Variants in RAB44 observed in about 807,000 individuals in gnomAD.
RAB44 encodes the protein RAB44, member RAS oncogene family.
A neutral mutation model predicts 93.3 loss-of-function variants in RAB44; 67 were observed. That is an observed-to-expected ratio of 0.72 (90% CI 0.59 to 0.88). RAB44 has a LOEUF of 0.88. Among genes scored for constraint, RAB44 ranks in the 40% least tolerant of loss-of-function variants. The pLI is 0.00. For missense variants in RAB44, 1,064 were observed against 1,261.7 expected (o/e 0.84, Z 2.37); for synonymous variants, 427 against 520.3 (o/e 0.82, Z 2.44).
At chr6:36,711,898 A>G (rs6457945) in intron 2 of RAB44, among the ~76,000 whole-genome samples, 31,708 of 148,920 alleles carry the variant, frequency 0.21, 6,219 homozygotes, top group African/African-American at 0.53. Context: ...GTAAGACTCC[A>G]TCTCAAAAAA....
chr6:36,717,672 C>G lies in RAB44; in HGVS notation c.641+253C>G, dbSNP rs570851934. On this transcript the variant is annotated intron_variant, in intron 5 of 13. Transcript: ENST00000612677. This position sits in a 1 kb window ranked among gnomAD's most constrained non-coding sequence, Gnocchi z 4.1. ...CGCCCAACTCCAGGGGGCCTGCTCC[C>G]GTAGACTGTAATGCATGTGGTGACC... 2.0e-5 allele frequency among the ~76,000 whole-genome samples: 3 copies of G among 151,330 alleles called. No homozygotes were observed. The highest frequency in any genetic ancestry group is 3.9e-4 in the East Asian group (2 of 5,142).
At chr6:36,723,836 CA>C (rs565860026) in intron 9 of RAB44, among the ~76,000 whole-genome samples, 1,392 of 64,656 alleles carry the variant, frequency 0.022, 29 homozygotes, top group African/African-American at 0.066. Flanking sequence ...TTCCGTCTCC[CA>C]AAAAAAAAAA....
Position 36,721,865 on chromosome 6 carries a change from G to C in RAB44, c.1731G>C (p.Val577=). The C allele has an allele frequency of 8.1e-7, 1 of 1,235,060 alleles. No individual in the cohort carries two copies. The highest frequency in any genetic ancestry group is 1.0e-6 in the Non-Finnish European group (1 of 988,776). 76.5% of individuals were successfully genotyped at this position (1,235,060 alleles called of 1,614,324 possible). ...CACCCACAACTGCCCTCACAGGAGTGGGCCCAGCCAAGCCGCCCAGGCAGA... is the reference window on the plus strand; with the variant it reads ...CACCCACAACTGCCCTCACAGGAGTCGGCCCAGCCAAGCCGCCCAGGCAGA... ...GPSPTTALTG[V]GPAKPPRQRD... Residue 577 remains valine (V), a synonymous_variant, in exon 9 of 14, where the codon GTG becomes GTC. Coordinates refer to ENST00000612677, the MANE Select transcript of RAB44 (RefSeq NM_001257357.2).
chr6:36,730,761 C>CGGCG lies in RAB44; in HGVS notation c.2975+12_2975+13insGGCG. 8.7e-7 allele frequency: 1 copy of CGGCG among 1,152,480 alleles called. No individual in the cohort carries two copies. The highest frequency in any genetic ancestry group is 1.1e-6 in the Non-Finnish European group (1 of 930,710). 71.4% of individuals were successfully genotyped at this position (1,152,480 alleles called of 1,614,324 possible). A position where few individuals can be genotyped will look rare whatever the true frequency, so the allele number is the denominator to read the frequency against. On this transcript the variant is annotated intron_variant, in intron 13 of 13. Transcript: ENST00000612677. ...GTAAACCTGGCCAGGTAAGTGCTGC[C>CGGCG]CGCCCCCCGCCGCCCCCACCCCCCC... is the stretch of plus-strand genomic sequence containing the variant.
In RAB44 at chr6:36,722,393, G is replaced by T. The variant is rs976614342; in HGVS notation, c.2259G>T (p.Gly753=). ...RGSPPRGAQP[G]AGAGPQEPTQ... ...CTCCTCCCAGGGGGGCTCAGCCTGG[G>T]GCTGGAGCAGGACCCCAGGAACCCA... The change falls in exon 9 of 14, where the codon GGG becomes GGT. Residue 753 remains glycine, a synonymous_variant. Coordinates refer to ENST00000612677, the MANE Select transcript of RAB44 (RefSeq NM_001257357.2). 1 of 1,386,226 alleles carries T rather than the reference G, an allele frequency of 7.2e-7. No individual in the cohort carries two copies. The highest frequency in any genetic ancestry group is 9.3e-7 in the Non-Finnish European group (1 of 1,072,344). 85.9% of individuals were successfully genotyped at this position (1,386,226 alleles called of 1,614,324 possible). A position where few individuals can be genotyped will look rare whatever the true frequency, so the allele number is the denominator to read the frequency against.
At position 36,717,727 on chromosome 6, in the gene RAB44, G is replaced by A. The variant is rs149799459; in HGVS notation, c.642-301G>A. ...AGTTGGGTTATAAGGGCAGGAGGAC[G>A]GTGAAAGAGGGAGTGGGGACTGAGT... On this transcript the variant is annotated intron_variant, in intron 5 of 13. Transcript: ENST00000612677. The surrounding 1 kb of genome is among the most constrained non-coding windows in gnomAD (Gnocchi z 4.1). Among the ~76,000 whole-genome samples the A allele has an allele frequency of 5.1e-3, 781 of 152,294 alleles. 5 individuals carry two copies. The highest frequency in any genetic ancestry group is 0.017 in the African/African-American group (695 of 41,548).
chr6:36,723,836 C>CAAAAAA (rs565860026), intron 9 of RAB44, among the ~76,000 whole-genome samples: 4 of 64,638 alleles, frequency 6.2e-5, no homozygotes, highest in Non-Finnish European at 9.0e-5. Context: ...TTCCGTCTCC[C>CAAAAAA]AAAAAAAAAA....
rs2150342261 is a variant in RAB44 at position 36,728,680 on chromosome 6, A to G, written c.2797-20A>G. On this transcript the variant is annotated intron_variant, in intron 11 of 13. Transcript: ENST00000612677. ...CTGGCACACAGTGGGTGTGGCTGAC[A>G]GAACATGTTCTGTGTGCAGGATGCA... 1.9e-6 allele frequency: 3 copies of G among 1,542,006 alleles called. No homozygotes were observed. Among genetic ancestry groups the G allele is most frequent in the Non-Finnish European group, 2.6e-6 (3 of 1,139,230 alleles).
At chr6:36,702,598 C>G (rs1287388810) in intron 1 of RAB44, among the ~76,000 whole-genome samples, 1 of 152,216 alleles carries the variant, frequency 6.6e-6, no homozygotes, top group Non-Finnish European at 1.5e-5. Context: ...TATTCTGCCT[C>G]GATTCCTTCA....
intron 9 of RAB44, among the ~76,000 whole-genome samples, chr6:36,725,019 A>G (rs549080772): frequency 1.3e-5 from 2 of 152,332 alleles, no homozygotes; most frequent in East Asian, 3.9e-4. Flanking sequence ...CATTTTACAG[A>G]TGAGGAAAGC....
Position 36,721,299 on chromosome 6 carries a change from T to C in RAB44, c.1165T>C (p.Trp389Arg). The C allele has an allele frequency of 8.1e-7, 1 of 1,234,152 alleles. No homozygotes were observed. Among genetic ancestry groups the C allele is most frequent in the Non-Finnish European group, 1.0e-6 (1 of 988,082 alleles). The allele number at this position is 1,234,152 out of a possible 1,614,324, so 76.5% of individuals were successfully genotyped here. ...TCCGCACGGAGCCCTGCAGCTCTGC[T>C]GGAGCCCGCCCCCGACCCCAAGAGC... Reference protein sequence around the residue: ...SPPHGALQLCWSPPPTPRATS... With the variant: ...SPPHGALQLCRSPPPTPRATS... The change falls in exon 9 of 14, where the codon TGG (tryptophan) becomes CGG (arginine). Residue 389 changes from tryptophan to arginine, a missense_variant. By Grantham distance (101) the Trp-to-Arg change is moderately radical (BLOSUM62 -3). Transcript: ENST00000612677.
At position 36,704,302 on chromosome 6, in the gene RAB44, A is replaced by G. The variant is rs768387117; in HGVS notation, c.67A>G (p.Arg23Gly). ...KLGSNRRRQT[R>G]EPADGEGAAV... ...GGGCTCCAACCGGCGGCGGCAGACA[A>G]GAGAGCCAGCTGATGGTGAAGGCGC... is the stretch of plus-strand genomic sequence containing the variant. Residue 23 changes from arginine (R) to glycine (G), a missense_variant, in exon 2 of 14, where the codon AGA (arginine) becomes GGA (glycine). Physicochemically the swap from Arg to Gly is moderately radical, Grantham distance 125 (BLOSUM62 -2). Coordinates refer to ENST00000612677, the MANE Select transcript of RAB44 (RefSeq NM_001257357.2). 15 of 1,536,134 alleles carry G rather than the reference A, an allele frequency of 9.8e-6. No homozygotes were observed. Among genetic ancestry groups the G allele is most frequent in the Non-Finnish European group, 1.3e-5 (15 of 1,146,894 alleles).
At position 36,704,356 on chromosome 6, in the gene RAB44, T is replaced by A; in HGVS notation, c.121T>A (p.Ser41Thr). ...AGTGGCCCCAGAGCCAGAGTCTTGG[T>A]CCTCTCAGGCAGCGGCAGAACTGCA... Reference protein sequence around the residue: ...AAVAPEPESWSSQAAAELQAF... With the variant: ...AAVAPEPESWTSQAAAELQAF... The change falls in exon 2 of 14, where the codon TCC (serine) becomes ACC (threonine). Residue 41 changes from serine to threonine, a missense_variant. By Grantham distance (58) the Ser-to-Thr change is moderately conservative. Coordinates refer to ENST00000612677, the MANE Select transcript of RAB44 (RefSeq NM_001257357.2). 1 of 1,536,042 alleles carries A rather than the reference T, an allele frequency of 6.5e-7. No homozygotes were observed. Among genetic ancestry groups the A allele is most frequent in the Non-Finnish European group, 8.7e-7 (1 of 1,146,872 alleles).
At chr6:36,730,830 C>A in intron 13 of RAB44, 81 bp downstream of exon 13, 1 of 687,872 alleles carries the variant, frequency 1.5e-6, no homozygotes, top group Non-Finnish European at 2.0e-6. Context: ...ACTCTTGACT[C>A]CCAGGTGGGA....
At position 36,702,293 on chromosome 6, in the gene RAB44, G is replaced by GGAGAGAGAGAGA. The variant is rs567475229; in HGVS notation, c.-12-1896_-12-1885dup. ...TTCATCTGAAACAGACTTCGAAGGG[G>GGAGAGAGAGAGA]GAGAGAGAGAGAGAGAGAGAGAGAG... On this transcript the variant is annotated intron_variant, in intron 1 of 13. Coordinates refer to ENST00000612677, the MANE Select transcript of RAB44 (RefSeq NM_001257357.2). Among the ~76,000 whole-genome samples the GGAGAGAGAGAGA allele has an allele frequency of 4.8e-4, 55 of 115,222 alleles. 3 individuals carry two copies. The highest frequency in any genetic ancestry group is 1.9e-3 in the African/African-American group (53 of 27,814). 75.6% of individuals were successfully genotyped at this position (115,222 alleles called of 152,430 possible). A position where few individuals can be genotyped will look rare whatever the true frequency, so the allele number is the denominator to read the frequency against.
rs1719346529 is a variant in RAB44, at chr6:36,714,957, G to A, written c.320-522G>A. ...GACACACTTCTCTGGAGTCCACATG[G>A]TTTGCTCCTTCTTGTAATTCACATC... On this transcript the variant is annotated intron_variant, in intron 3 of 13. Coordinates refer to ENST00000612677, the MANE Select transcript of RAB44 (RefSeq NM_001257357.2). Among the ~76,000 whole-genome samples the A allele has an allele frequency of 2.0e-5, 3 of 152,120 alleles. No individual in the cohort carries two copies. In the South Asian group the frequency reaches 6.2e-4, roughly 32 times the overall value.
Position 36,725,899 on chromosome 6 carries a change from C to T in RAB44, c.2637C>T (p.Asn879=). 1 of 1,550,700 alleles carries T rather than the reference C, an allele frequency of 6.4e-7. No homozygotes were observed. Among genetic ancestry groups the T allele is most frequent in the Non-Finnish European group, 8.7e-7 (1 of 1,146,996 alleles). The change falls in exon 10 of 14, where the codon AAC becomes AAT. Residue 879 remains asparagine (N), a synonymous_variant. Transcript: ENST00000612677. ...GGGTCAAAACCTTGCTGGTGGACAACAAGTGCTTTGTGCTGCAGCTCTGGG... is the reference window on the plus strand; with the variant it reads ...GGGTCAAAACCTTGCTGGTGGACAATAAGTGCTTTGTGCTGCAGCTCTGGG... ...DFRVKTLLVD[N]KCFVLQLWDT... is the part of the protein sequence containing the mutation.
At chr6:36,702,364 G>T (rs1762534516) in intron 1 of RAB44, among the ~76,000 whole-genome samples, 1 of 145,036 alleles carries the variant, frequency 6.9e-6, no homozygotes, top group African/African-American at 2.6e-5. Context: ...GAAGTTTGGG[G>T]CCTCCTAAGG....
At chr6:36,726,842 C>A (rs995018551) in intron 10 of RAB44, among the ~76,000 whole-genome samples, 3 of 151,396 alleles carry the variant, frequency 2.0e-5, no homozygotes, top group African/African-American at 7.3e-5. Context: ...GCTCTGTCAC[C>A]CAGGCTGGAG....
Sources: allele counts gnomAD v4.1 joint callset (sites outside exome capture counted in the v4.1 genomes callset), GRCh38; gene constraint gnomAD v4.1.1; non-coding constraint Gnocchi (gnomAD v3.1); transcripts MANE v1.5; gene names NCBI Gene and HGNC (gene_info 2026-07-23, HGNC 2026-07-21).